Variants in OPHN1 observed in about 807,000 individuals in gnomAD.
OPHN1 encodes the protein oligophrenin 1.
OPHN1 carries 11 observed loss-of-function variants against 60.7 expected under a neutral mutation model. The ratio of observed to expected loss-of-function variants is 0.18; its 90% CI spans 0.11 to 0.30. The LOEUF (loss-of-function observed/expected upper bound fraction) is 0.30. OPHN1 is among the 10% of genes least tolerant of loss of function. The pLI is 1.00. For missense variants in OPHN1, 449 were observed against 611.0 expected, an observed-to-expected ratio of 0.73 and a Z score of 2.80; for synonymous variants, 226 against 222.6, an observed-to-expected ratio of 1.02 and a Z score of -0.14.
chrX:68,072,734 T>C (rs766958643), intron 20 of OPHN1, among the ~76,000 whole-genome samples: 2 of 111,979 alleles, frequency 1.8e-5, no homozygotes, highest in Non-Finnish European at 3.8e-5. Context: ...TATGTCTCCA[T>C]TTCTTCTGTG....
intron 15 of OPHN1, among the ~76,000 whole-genome samples, chrX:68,136,179 A>ATG (rs1207071748): frequency 1.7e-4 from 19 of 109,687 alleles, no homozygotes; most frequent in South Asian, 3.9e-4. Context: ...TATTAAATAT[A>ATG]TGTGTGTGTG....
chrX:68,338,327 G>A (rs921172839), intron 2 of OPHN1, among the ~76,000 whole-genome samples: 1 of 111,825 alleles, frequency 8.9e-6, no homozygotes, highest in Non-Finnish European at 1.9e-5. Flanking sequence ...AAATTATCCA[G>A]GATAGATTAT....
chrX:68,123,634 T>C (rs1012306832), intron 15 of OPHN1, among the ~76,000 whole-genome samples: 2 of 112,078 alleles, frequency 1.8e-5, no homozygotes, highest in African/African-American at 6.5e-5. Flanking sequence ...TCCTTGTTTG[T>C]TTGTTTATGC....
At chrX:68,061,242 G>C (rs1461639510) in intron 21 of OPHN1, among the ~76,000 whole-genome samples, 1 of 112,114 alleles carries the variant, frequency 8.9e-6, no homozygotes, top group African/African-American at 3.2e-5. Context: ...AGTCAGATCA[G>C]TACTTACATT....
At chrX:68,349,334 A>G (rs1479241027) in intron 2 of OPHN1, among the ~76,000 whole-genome samples, 1 of 112,225 alleles carries the variant, frequency 8.9e-6, no homozygotes, top group African/African-American at 3.2e-5. Context: ...TCATTAGAGA[A>G]ACGCAAATCA....
chrX:68,199,427 G>A (rs1192721515), intron 11 of OPHN1, among the ~76,000 whole-genome samples: 1 of 111,497 alleles, frequency 9.0e-6, no homozygotes, highest in African/African-American at 3.3e-5. Flanking sequence ...ACTTGAACCT[G>A]TGCCACTGCA....
At chrX:68,063,753 G>T in intron 21 of OPHN1, 101 bp downstream of exon 21, 1 of 695,319 alleles carries the variant, frequency 1.4e-6, no homozygotes, top group Non-Finnish European at 2.1e-6. Context: ...TAGTAAACTG[G>T]AACATATTTC....
chrX:68,090,207 C>A (rs779114624), intron 19 of OPHN1, among the ~76,000 whole-genome samples: 237 of 108,619 alleles, frequency 2.2e-3, no homozygotes, highest in African/African-American at 7.3e-3. Flanking sequence ...TCTCTTTACA[C>A]ATACTGACGC....
At chrX:68,280,781 T>C (rs1039297340) in intron 4 of OPHN1, among the ~76,000 whole-genome samples, 1 of 111,502 alleles carries the variant, frequency 9.0e-6, no homozygotes, top group African/African-American at 3.3e-5. Flanking sequence ...GTGCTGGTCA[T>C]GATGGTACTG....
chrX:68,236,996 T>C (rs959952117), intron 5 of OPHN1, among the ~76,000 whole-genome samples: 5 of 112,320 alleles, frequency 4.5e-5, no homozygotes, highest in Non-Finnish European at 9.4e-5. Flanking sequence ...TTCTTTTGTT[T>C]TGTTTTGAGA....
intron 16 of OPHN1, among the ~76,000 whole-genome samples, chrX:68,113,928 A>C (rs1311245483): frequency 2.8e-5 from 3 of 105,801 alleles, no homozygotes; most frequent in Non-Finnish European, 5.8e-5. Flanking sequence ...ACTAACCTGC[A>C]CATTGTGCAC....
intron 2 of OPHN1, among the ~76,000 whole-genome samples, chrX:68,320,021 T>C (rs998426704): frequency 9.0e-6 from 1 of 110,520 alleles, no homozygotes; most frequent in Non-Finnish European, 1.9e-5. Flanking sequence ...TAAGAAACAA[T>C]AGTCAACATA....
intron 1 of OPHN1, 45 bp downstream of exon 1, chrX:68,433,100 GGGGACGGACTGAGCGCGCGACCC>G (rs2078894160): frequency 9.9e-7 from 1 of 1,012,436 alleles, no homozygotes; most frequent in Non-Finnish European, 1.3e-6. Flanking sequence ...AGGAAGTAGA[GGGGACGGACTGAGCGCGCGACCC>G]GCTTAAGGAA....
intron 18 of OPHN1, among the ~76,000 whole-genome samples, chrX:68,108,620 A>G (rs1197172776): frequency 1.8e-5 from 2 of 111,359 alleles, no homozygotes; most frequent in Non-Finnish European, 3.8e-5. Flanking sequence ...TTATATTACT[A>G]CTATTAATAA....
chrX:68,350,375 T>C (rs1430447519), intron 2 of OPHN1, among the ~76,000 whole-genome samples: 1 of 110,091 alleles, frequency 9.1e-6, no homozygotes, highest in Non-Finnish European at 1.9e-5. Context: ...CTCTTTTGCT[T>C]GCTTGCTTTT....
At chrX:68,383,967 TC>T (rs1331364091) in intron 2 of OPHN1, among the ~76,000 whole-genome samples, 1 of 111,247 alleles carries the variant, frequency 9.0e-6, no homozygotes, top group African/African-American at 3.3e-5. Flanking sequence ...CACTCTTCAC[TC>T]TGACCTGGGC....
At chrX:68,411,733 G>A in intron 2 of OPHN1, among the ~76,000 whole-genome samples, 1 of 112,059 alleles carries the variant, frequency 8.9e-6, no homozygotes, top group Non-Finnish European at 1.9e-5. Flanking sequence ...TGTTTACTGT[G>A]TTGATAGTTT....
At chrX:68,327,253 C>A (rs1405313426) in intron 2 of OPHN1, among the ~76,000 whole-genome samples, 3 of 4,920 alleles carry the variant, frequency 6.1e-4, no homozygotes, top group Non-Finnish European at 8.5e-4. Flanking sequence ...CCCCTCTGCC[C>A]GGCCACGACC....
At chrX:68,171,509 G>A (rs986962118) in intron 15 of OPHN1, among the ~76,000 whole-genome samples, 5 of 111,350 alleles carry the variant, frequency 4.5e-5, no homozygotes, top group African/African-American at 9.8e-5. Context: ...GCTGAGGCGG[G>A]CAGATCACTT....
Sources: allele counts gnomAD v4.1 joint callset (sites outside exome capture counted in the v4.1 genomes callset), GRCh38; gene constraint gnomAD v4.1.1; transcripts MANE v1.5; gene names NCBI Gene and HGNC (gene_info 2026-07-23, HGNC 2026-07-21).